ANKRD27: variants seen among roughly 807,000 people sequenced by gnomAD.
ANKRD27 encodes the protein ankyrin repeat domain-containing protein 27.
In ANKRD27, 112 loss-of-function variants were observed where a neutral mutation model predicts 129.7. The ratio of observed to expected loss-of-function variants is 0.86; its 90% CI spans 0.74 to 1.01. ANKRD27 has a LOEUF of 1.01. Ranked by LOEUF, ANKRD27 falls within the 50% of genes least tolerant of loss-of-function variation. The pLI is 0.00. For missense variants in ANKRD27, 1,258 were observed against 1,300.5 expected (o/e 0.97, Z 0.50); for synonymous variants, 516 against 511.2 (o/e 1.01, Z -0.13).
At chr19:32,603,695 T>C (rs1453046964) in intron 25 of ANKRD27, among the ~76,000 whole-genome samples, 1 of 149,786 alleles carries the variant, frequency 6.7e-6, no homozygotes, top group East Asian at 2.0e-4. Flanking sequence ...TGCACCCCTA[T>C]GCTCGGCTGA....
At chr19:32,626,231 G>C (rs766245335) in intron 16 of ANKRD27, among the ~76,000 whole-genome samples, 1 of 152,124 alleles carries the variant, frequency 6.6e-6, no homozygotes, top group Non-Finnish European at 1.5e-5. Context: ...GCAGTGGCAC[G>C]ATCATTGCTC....
intron 14 of ANKRD27, 102 bp from the exon 15 acceptor site, chr19:32,628,267 A>C: frequency 1.1e-6 from 1 of 893,126 alleles, no homozygotes. Flanking sequence ...AAGGCGGCTC[A>C]CAGGATGCCA....
chr19:32,666,325 C>CAGATGGA (rs1466151908), intron 1 of ANKRD27: 1 of 152,192 alleles, frequency 6.6e-6, no homozygotes, highest in Non-Finnish European at 1.5e-5. Flanking sequence ...CAGTATGGAA[C>CAGATGGA]ACACCTACCA....
intron 12 of ANKRD27, chr19:32,637,430 C>A (rs1967111695): frequency 6.6e-6 from 1 of 152,212 alleles, no homozygotes; most frequent in African/African-American, 2.4e-5. Context: ...CCTCGCCGAC[C>A]CCAGCCAATG....
chr19:32,666,375 C>T (rs1190802360), intron 1 of ANKRD27: 1 of 152,204 alleles, frequency 6.6e-6, no homozygotes, highest in Non-Finnish European at 1.5e-5. Context: ...AGAGAAGACC[C>T]TTCCATGATT....
Position 32,646,549 on chromosome 19 carries a change from T to C in ANKRD27, c.280A>G (p.Ile94Val), listed in dbSNP as rs751802497. The change falls in exon 4 of 29, where the codon ATT becomes GTT. Residue 94 changes from isoleucine (I) to valine (V), a missense_variant. Coordinates refer to ENST00000306065, the MANE Select transcript of ANKRD27 (RefSeq NM_032139.3). Reference sequence around the variant, plus strand: ...TTGTAGAAAGTTTCTTCAAAGAGAATGGGCACTGAGAGAAGACAGGCAAAA... The same window carrying C: ...TTGTAGAAAGTTTCTTCAAAGAGAACGGGCACTGAGAGAAGACAGGCAAAA... ...AGFACLLSVP[I>V]LFEETFYNEK... The C allele has an allele frequency of 3.7e-6, 6 of 1,614,018 alleles. No homozygotes were observed. The highest frequency in any genetic ancestry group is 3.3e-5 in the Admixed American group (2 of 59,988).
chr19:32,632,359 G>A lies in ANKRD27; in HGVS notation c.1117-865C>T, dbSNP rs577102790. 4.0e-3 allele frequency among the ~76,000 whole-genome samples: 597 copies of A among 151,090 alleles called. 4 individuals carry two copies. Among genetic ancestry groups the A allele is most frequent in the Non-Finnish European group, 6.8e-3 (461 of 67,774 alleles). ...CCAGCACTTTGAGGGGCCGAGGCGC[G>A]TGGATCACTTGAGGTCAGGAGTTTG... is the stretch of plus-strand genomic sequence containing the variant. On this transcript the variant is annotated intron_variant, in intron 12 of 28. Transcript: ENST00000306065.
intron 1 of ANKRD27, among the ~76,000 whole-genome samples, chr19:32,666,639 CTA>C (rs546557718): frequency 0.63 from 69,795 of 110,756 alleles, 21,776 homozygotes; most frequent in Middle Eastern, 0.7. Context: ...AATCAGATTT[CTA>C]TTTTTTTTTT....
chr19:32,627,965 G>C, intron 15 of ANKRD27, 118 bp downstream of exon 15: 1 of 882,220 alleles, frequency 1.1e-6, no homozygotes, highest in Non-Finnish European at 1.8e-6. Flanking sequence ...GTGGACCCAC[G>C]ATGCAGCCCC....
chr19:32,648,884 G>C (rs1372905019), intron 3 of ANKRD27, among the ~76,000 whole-genome samples: 4 of 151,774 alleles, frequency 2.6e-5, no homozygotes, highest in Non-Finnish European at 4.4e-5. Context: ...TTAACAGCTT[G>C]GGGGGAAGCA....
chr19:32,669,831 T>C (rs1967831735), intron 1 of ANKRD27, among the ~76,000 whole-genome samples: 1 of 151,876 alleles, frequency 6.6e-6, no homozygotes, highest in African/African-American at 2.4e-5. Flanking sequence ...ACCCCGTCTC[T>C]GCTAAAAATA....
At chr19:32,668,433 G>A (rs1967801097) in intron 1 of ANKRD27, among the ~76,000 whole-genome samples, 1 of 151,934 alleles carries the variant, frequency 6.6e-6, no homozygotes. Context: ...CAATGTGCTG[G>A]GGTTACAAGG....
At chr19:32,628,601 A>G (rs1966933073) in intron 14 of ANKRD27, 121 bp downstream of exon 14, 3 of 1,276,532 alleles carry the variant, frequency 2.4e-6, no homozygotes, top group African/African-American at 1.5e-5. Context: ...TGTACAGCAG[A>G]GGCAGCTGGG....
chr19:32,653,986 C>T (rs745503862), intron 2 of ANKRD27, among the ~76,000 whole-genome samples: 37 of 151,958 alleles, frequency 2.4e-4, no homozygotes, highest in Non-Finnish European at 4.4e-4. Context: ...CTGCAACCTC[C>T]GCCTCCCGGG....
intron 2 of ANKRD27, among the ~76,000 whole-genome samples, chr19:32,656,103 G>GGAAAAGA (rs753712685): frequency 8.1e-6 from 1 of 123,702 alleles, no homozygotes; most frequent in African/African-American, 3.4e-5. Context: ...AAGAAAGAAA[G>GGAAAAGA]AAAGAAAAGA....
chr19:32,621,560 G>A (rs1334286334), intron 18 of ANKRD27, among the ~76,000 whole-genome samples: 2 of 152,124 alleles, frequency 1.3e-5, no homozygotes, highest in African/African-American at 4.8e-5. Flanking sequence ...CCTAGGAAGT[G>A]GAGGTTGCAG....
intron 17 of ANKRD27, among the ~76,000 whole-genome samples, chr19:32,625,353 TTTG>T (rs755881430): frequency 2.0e-5 from 3 of 152,086 alleles, no homozygotes; most frequent in Non-Finnish European, 4.4e-5. Context: ...ATGAAAATGA[TTTG>T]ACTTCAGGAT....
At chr19:32,605,754 G>C in intron 24 of ANKRD27, 81 bp downstream of exon 24, 1 of 1,560,710 alleles carries the variant, frequency 6.4e-7, no homozygotes, top group South Asian at 1.2e-5. Context: ...TCCATCCCCA[G>C]TGCGCTGCGG....
At chr19:32,625,476 G>A (rs941207857) in intron 17 of ANKRD27, among the ~76,000 whole-genome samples, 10 of 149,630 alleles carry the variant, frequency 6.7e-5, no homozygotes, top group Admixed American at 2.7e-4. Flanking sequence ...TGTCACCCAG[G>A]ATGGAGTACA....
Sources: allele counts gnomAD v4.1 joint callset (sites outside exome capture counted in the v4.1 genomes callset), GRCh38; gene constraint gnomAD v4.1.1; transcripts MANE v1.5; gene names NCBI Gene and HGNC (gene_info 2026-07-23, HGNC 2026-07-21).